Variants in PIK3CG observed in about 807,000 individuals in gnomAD.
PIK3CG encodes the protein phosphatidylinositol 4,5-bisphosphate 3-kinase catalytic subunit gamma isoform.
A neutral mutation model predicts 102.3 loss-of-function variants in PIK3CG; 55 were observed. The observed-to-expected ratio is 0.54, with a 90% confidence interval of 0.43 to 0.67. The LOEUF is 0.67. PIK3CG is among the 30% of genes least tolerant of loss of function. The probability of loss-of-function intolerance (pLI) is 0.00; values close to 1 mark genes in which losing one functional copy is unlikely to be tolerated. For synonymous variants in PIK3CG, 552 were observed against 540.0 expected (o/e 1.02, Z -0.31); for missense variants, 1,258 against 1,391.8 (o/e 0.90, Z 1.53).
chr7:106,889,879 G>T (rs1338761089), intron 10 of PIK3CG, among the ~76,000 whole-genome samples: 2 of 152,138 alleles, frequency 1.3e-5, no homozygotes, highest in African/African-American at 4.8e-5. Context: ...ACAAAACCAA[G>T]GCCCAGCGTT....
At position 106,868,276 on chromosome 7, in the gene PIK3CG, G is replaced by T. The variant is rs754275924; in HGVS notation, c.715G>T (p.Asp239Tyr). ...CCAGACCATTAAGGTCTCACCCGACGACACCCCCGGCGCCATCCTGCAGAG... is the reference window on the plus strand; with the variant it reads ...CCAGACCATTAAGGTCTCACCCGACTACACCCCCGGCGCCATCCTGCAGAG... ...TSQTIKVSPDDTPGAILQSFF... is the reference protein window; with the variant it reads ...TSQTIKVSPDYTPGAILQSFF... Residue 239 changes from aspartate (D) to tyrosine (Y), a missense_variant, in exon 2 of 11, where the codon GAC becomes TAC. By Grantham distance (160) the Asp-to-Tyr change is radical. Coordinates refer to ENST00000496166, the MANE Select transcript of PIK3CG (RefSeq NM_001282426.2). The surrounding 1 kb of genome is among the most constrained non-coding windows in gnomAD (Gnocchi z 6.2). 6.2e-6 allele frequency: 10 copies of T among 1,613,946 alleles called. No individual in the cohort carries two copies. Among genetic ancestry groups the T allele is most frequent in the Non-Finnish European group, 7.6e-6 (9 of 1,180,036 alleles).
In PIK3CG at chr7:106,869,288, G is replaced by T; in HGVS notation, c.1727G>T (p.Trp576Leu). ...PLTAEDKELL[W>L]HFRYESLKHP... ...ACAGCAGAGGACAAAGAATTGCTCT[G>T]GCATTTTAGATACGAAAGCCTTAAG... The change falls in exon 2 of 11, where the codon TGG becomes TTG. Residue 576 changes from tryptophan to leucine, a missense_variant. Around this residue, in one of 2 missense-constraint regions of PIK3CG, gnomAD observed 832 missense variants for 787.5 expected, o/e 1.06. Coordinates refer to ENST00000496166, the MANE Select transcript of PIK3CG (RefSeq NM_001282426.2). This position sits in a 1 kb window ranked among gnomAD's most constrained non-coding sequence, Gnocchi z 5.3. The T allele has an allele frequency of 6.2e-7, 1 of 1,614,188 alleles. No homozygotes were observed. The highest frequency in any genetic ancestry group is 8.5e-7 in the Non-Finnish European group (1 of 1,180,034).
rs774334457 is a variant in PIK3CG at position 106,869,185 on chromosome 7, C to G, written c.1624C>G (p.Arg542Gly). Reference protein sequence around the residue: ...HQPTPDPEGDRVRAEMPNQLR... With the variant: ...HQPTPDPEGDGVRAEMPNQLR... Reference sequence around the variant, plus strand: ...GCCCACCCCTGACCCGGAAGGGGACCGGGTTCGAGCAGAAATGCCCAACCA... The same window carrying G: ...GCCCACCCCTGACCCGGAAGGGGACGGGGTTCGAGCAGAAATGCCCAACCA... The change falls in exon 2 of 11, where the codon CGG (arginine) becomes GGG (glycine). Residue 542 changes from arginine (R) to glycine (G), a missense_variant. This residue lies in a region of PIK3CG where 832 missense variants were observed against 787.5 expected (regional missense o/e 1.06). Coordinates refer to ENST00000496166, the MANE Select transcript of PIK3CG (RefSeq NM_001282426.2). The surrounding 1 kb of genome is among the most constrained non-coding windows in gnomAD (Gnocchi z 5.3). The G allele has an allele frequency of 6.2e-7, 1 of 1,614,204 alleles. No homozygotes were observed. The highest frequency in any genetic ancestry group is 8.5e-7 in the Non-Finnish European group (1 of 1,180,042).
chr7:106,895,076 C>T lies in PIK3CG; in HGVS notation c.3030+8784C>T, dbSNP rs761528448. The stretch of plus-strand genomic sequence containing the variant: ...GTAGGCTCAATCTATTTATTAGCTA[C>T]TAATGGAGAATGTTCTAGCTAATGG... On this transcript the variant is annotated intron_variant, in intron 10 of 10. Coordinates refer to ENST00000496166, the MANE Select transcript of PIK3CG (RefSeq NM_001282426.2). The surrounding 1 kb of genome is among the most constrained non-coding windows in gnomAD (Gnocchi z 5.4). Among the ~76,000 whole-genome samples the T allele has an allele frequency of 1.2e-4, 19 of 152,168 alleles. No homozygotes were observed. Among genetic ancestry groups the T allele is most frequent in the Non-Finnish European group, 2.4e-4 (16 of 68,026 alleles).
chr7:106,883,201 C>A lies in PIK3CG; in HGVS notation c.2760+38C>A, dbSNP rs763302275. ...TTTTTCCCAGTCTAATGGCTCCTTACAAGTTGTCATTTATATAGCAGTAGT... is the reference window on the plus strand; with the variant it reads ...TTTTTCCCAGTCTAATGGCTCCTTAAAAGTTGTCATTTATATAGCAGTAGT... On this transcript the variant is annotated intron_variant, in intron 8 of 10. Coordinates refer to ENST00000496166, the MANE Select transcript of PIK3CG (RefSeq NM_001282426.2). The surrounding 1 kb of genome is among the most constrained non-coding windows in gnomAD (Gnocchi z 5.8). The A allele has an allele frequency of 1.2e-6, 2 of 1,610,710 alleles. No homozygotes were observed. The highest frequency in any genetic ancestry group is 1.7e-6 in the Non-Finnish European group (2 of 1,177,164).
Position 106,906,478 on chromosome 7 carries a change from T to A in PIK3CG, c.*1091T>A, listed in dbSNP as rs929664954. ...TTAATGGAAGAAGATATTTAATATC[T>A]TAAAAATATTCCAAGTTAGGAAGAA... On this transcript the variant is annotated 3_prime_UTR_variant, in exon 11 of 11. Transcript: ENST00000496166. 6.1e-5 allele frequency: 14 copies of A among 230,082 alleles called. 1 individual carries two copies. The highest frequency in any genetic ancestry group is 2.4e-4 in the African/African-American group (11 of 45,322). 14.3% of individuals were successfully genotyped at this position (230,082 alleles called of 1,614,324 possible).
intron 10 of PIK3CG, among the ~76,000 whole-genome samples, chr7:106,889,244 G>C (rs906221211): frequency 6.6e-6 from 1 of 152,050 alleles, no homozygotes; most frequent in East Asian, 1.9e-4. Flanking sequence ...AAAAAAACCT[G>C]AACACCACAG....
rs1280027584 is a variant in PIK3CG at position 106,895,120 on chromosome 7, G to C, written c.3030+8828G>C. Among the ~76,000 whole-genome samples, 1 of 152,170 alleles carries C rather than the reference G, an allele frequency of 6.6e-6. No homozygotes were observed. The highest frequency in any genetic ancestry group is 1.5e-5 in the Non-Finnish European group (1 of 68,026). ...CTAATGGCATTAATAATAATGTAAT[G>C]TTCCCCACATTTGTAGTCATTAACA... On this transcript the variant is annotated intron_variant, in intron 10 of 10. Coordinates refer to ENST00000496166, the MANE Select transcript of PIK3CG (RefSeq NM_001282426.2). This position sits in a 1 kb window ranked among gnomAD's most constrained non-coding sequence, Gnocchi z 5.4.
chr7:106,866,207 A>T (rs1790276760), intron 1 of PIK3CG, among the ~76,000 whole-genome samples: 1 of 152,246 alleles, frequency 6.6e-6, no homozygotes, highest in Non-Finnish European at 1.5e-5. Context: ...AACATTAGTT[A>T]TTTAAGAGAG....
chr7:106,885,436 G>A (rs1791058357), intron 9 of PIK3CG, among the ~76,000 whole-genome samples: 7 of 152,112 alleles, frequency 4.6e-5, no homozygotes, highest in Admixed American at 4.6e-4. Context: ...GGCCACCAAA[G>A]CATGAGATTT....
Position 106,869,663 on chromosome 7 carries a change from C to T in PIK3CG, c.1995+107C>T, listed in dbSNP as rs1482753895. The T allele has an allele frequency of 2.2e-6, 2 of 897,232 alleles. No individual in the cohort carries two copies. The highest frequency in any genetic ancestry group is 3.3e-6 in the Non-Finnish European group (2 of 597,418). 55.6% of individuals were successfully genotyped at this position (897,232 alleles called of 1,614,324 possible). ...ATCAAATGCCCTTTGTTCAGAGCTT[C>T]ATCATCGGCAAAAGTAGATATGATG... On this transcript the variant is annotated intron_variant, in intron 2 of 10. Transcript: ENST00000496166. This position sits in a 1 kb window ranked among gnomAD's most constrained non-coding sequence, Gnocchi z 5.3.
At position 106,866,986 on chromosome 7, in the gene PIK3CG, G is replaced by A. The variant is rs1790307888; in HGVS notation, c.-12-564G>A. On this transcript the variant is annotated intron_variant, in intron 1 of 10. Coordinates refer to ENST00000496166, the MANE Select transcript of PIK3CG (RefSeq NM_001282426.2). Reference sequence around the variant, plus strand: ...AAGTGTGAGACTTAACAAAGAGGAAGTAAGTTAAAGGCCTGTTTTCAAAGT... The same window carrying A: ...AAGTGTGAGACTTAACAAAGAGGAAATAAGTTAAAGGCCTGTTTTCAAAGT... 2.0e-5 allele frequency among the ~76,000 whole-genome samples: 3 copies of A among 152,180 alleles called. No individual in the cohort carries two copies. The South Asian group carries it at 6.2e-4, about 31-fold the overall frequency.
In PIK3CG at chr7:106,883,248, C is replaced by A. The variant is rs2116547577; in HGVS notation, c.2760+85C>A. On this transcript the variant is annotated intron_variant, in intron 8 of 10. Transcript: ENST00000496166. The surrounding 1 kb of genome is among the most constrained non-coding windows in gnomAD (Gnocchi z 5.8). The stretch of plus-strand genomic sequence containing the variant: ...TAGTGGCTTCAAGTTTTCAGAGAAT[C>A]TGCCAGTGTCTTGCCTCCTGACATA... 7.2e-7 allele frequency: 1 copy of A among 1,394,252 alleles called. No individual in the cohort carries two copies. The highest frequency in any genetic ancestry group is 1.0e-6 in the Non-Finnish European group (1 of 994,010). 86.4% of individuals were successfully genotyped at this position (1,394,252 alleles called of 1,614,324 possible). A position where few individuals can be genotyped will look rare whatever the true frequency, so the allele number is the denominator to read the frequency against.
In PIK3CG at chr7:106,906,397, A is replaced by G. The variant is rs1465244201; in HGVS notation, c.*1010A>G. ...AAAGGAGGCATTCTAGAAAATATGA[A>G]TTAGTTTCCAAATGCCTTAATTTTA... On this transcript the variant is annotated 3_prime_UTR_variant, in exon 11 of 11. Transcript: ENST00000496166. 8.7e-6 allele frequency: 2 copies of G among 230,168 alleles called. No individual in the cohort carries two copies. The highest frequency in any genetic ancestry group is 1.7e-5 in the Non-Finnish European group (2 of 116,316). The allele number at this position is 230,168 out of a possible 1,614,324, so 14.3% of individuals were successfully genotyped here.
intron 10 of PIK3CG, among the ~76,000 whole-genome samples, chr7:106,904,908 T>C (rs570876756): frequency 6.4e-4 from 98 of 152,370 alleles, no homozygotes; most frequent in Non-Finnish European, 1.3e-3. Context: ...GAGCACTCCC[T>C]GGATATATGC....
At chr7:106,887,088 G>A (rs1285356092) in intron 10 of PIK3CG, among the ~76,000 whole-genome samples, 2 of 152,162 alleles carry the variant, frequency 1.3e-5, no homozygotes. Flanking sequence ...CATTCGGGTT[G>A]GATGAGCTTG....
chr7:106,890,700 G>A lies in PIK3CG; in HGVS notation c.3030+4408G>A, dbSNP rs546725207. 3.3e-5 allele frequency among the ~76,000 whole-genome samples: 5 copies of A among 152,354 alleles called. No individual in the cohort carries two copies. The highest frequency in any genetic ancestry group is 2.0e-4 in the Admixed American group (3 of 15,308). ...AGATATGTTCGTCTCTTCAAATTGAGTAAGGCTGATTAACATCCATGAGAT... is the reference window on the plus strand; with the variant it reads ...AGATATGTTCGTCTCTTCAAATTGAATAAGGCTGATTAACATCCATGAGAT... On this transcript the variant is annotated intron_variant, in intron 10 of 10. Coordinates refer to ENST00000496166, the MANE Select transcript of PIK3CG (RefSeq NM_001282426.2). This position sits in a 1 kb window ranked among gnomAD's most constrained non-coding sequence, Gnocchi z 4.2.
chr7:106,882,937 A>AAAC, intron 7 of PIK3CG, 96 bp from the exon 8 acceptor site: 1 of 924,274 alleles, frequency 1.1e-6, no homozygotes, highest in Non-Finnish European at 1.5e-6. Context: ...AAAAAAAAAA[A>AAAC]CCCTCTGCCC....
At chr7:106,881,461 T>G (rs1468712805) in intron 6 of PIK3CG, among the ~76,000 whole-genome samples, 1 of 152,168 alleles carries the variant, frequency 6.6e-6, no homozygotes, top group Non-Finnish European at 1.5e-5. Flanking sequence ...TAAATATGTG[T>G]AAGGATGTTA....
Sources: gnomAD v4.1 joint callset for allele counts (sites outside exome capture counted in the v4.1 genomes callset) on GRCh38, gnomAD v4.1.1 for gene constraint, gnomAD v4.1.1 regional missense constraint, Gnocchi (gnomAD v3.1) non-coding constraint, MANE v1.5 for transcripts, NCBI Gene and HGNC (gene_info 2026-07-23, HGNC 2026-07-21) for gene names.